The following CNTNAP2 variants were observed in gnomAD, a reference collection of about 807,000 sequenced individuals.
CNTNAP2 encodes contactin-associated protein-like 2.
CNTNAP2 carries 98 observed loss-of-function variants against 155.2 expected under a neutral mutation model. The ratio of observed to expected loss-of-function variants is 0.63; its 90% confidence interval spans 0.54 to 0.75. CNTNAP2 has a LOEUF of 0.75. Ranked by LOEUF, CNTNAP2 falls within the 30% of genes least tolerant of loss-of-function variation. CNTNAP2 has a pLI of 0.00. For missense variants in CNTNAP2, 1,727 were observed against 1,688.1 expected, an observed-to-expected ratio of 1.02 and a Z score of -0.40; for synonymous variants, 651 against 631.2, an observed-to-expected ratio of 1.03 and a Z score of -0.47.
intron 1 of CNTNAP2, among the ~76,000 whole-genome samples, chr7:146,498,302 G>A (rs760744152): frequency 4.6e-5 from 7 of 152,028 alleles, no homozygotes; most frequent in Non-Finnish European, 7.4e-5. Context: ...AGCCTCCTTG[G>A]CCATCTTCAA....
At chr7:146,447,984 G>T (rs1618656) in intron 1 of CNTNAP2, among the ~76,000 whole-genome samples, 5,412 of 151,980 alleles carry the variant, frequency 0.036, 340 homozygotes, top group African/African-American at 0.12. Context: ...TCCAAAATTG[G>T]ATGATAATAA....
intron 11 of CNTNAP2, among the ~76,000 whole-genome samples, chr7:147,506,238 A>C (rs1461217088): frequency 6.6e-6 from 1 of 152,016 alleles, no homozygotes; most frequent in South Asian, 2.1e-4. Flanking sequence ...AGTTTCTAAA[A>C]TTTTTTGTTT....
chr7:147,479,180 T>C (rs1409055214), intron 10 of CNTNAP2, among the ~76,000 whole-genome samples: 2 of 152,230 alleles, frequency 1.3e-5, no homozygotes, highest in African/African-American at 4.8e-5. Context: ...TCCTCCTCCT[T>C]CCAGGCTACT....
At chr7:147,366,403 T>A (rs1189717624) in intron 9 of CNTNAP2, among the ~76,000 whole-genome samples, 2 of 152,056 alleles carry the variant, frequency 1.3e-5, no homozygotes, top group African/African-American at 4.8e-5. Context: ...ATTTTTTTCA[T>A]AATTTTCATA....
At chr7:147,836,984 T>G (rs1357181908) in intron 13 of CNTNAP2, among the ~76,000 whole-genome samples, 3 of 151,212 alleles carry the variant, frequency 2.0e-5, no homozygotes, top group Non-Finnish European at 2.9e-5. Flanking sequence ...CATAAATAAG[T>G]AAGCATAGCT....
chr7:146,714,812 C>T (rs1264340892), intron 1 of CNTNAP2, among the ~76,000 whole-genome samples: 1 of 152,098 alleles, frequency 6.6e-6, no homozygotes, highest in Non-Finnish European at 1.5e-5. Context: ...AAATAAGTGA[C>T]AAGAGATAGT....
intron 13 of CNTNAP2, among the ~76,000 whole-genome samples, chr7:147,889,362 A>G (rs1799648761): frequency 6.6e-6 from 1 of 152,074 alleles, no homozygotes; most frequent in African/African-American, 2.4e-5. Context: ...AAAAAGAAAA[A>G]CTATGTGCTG....
At chr7:146,287,730 T>A (rs762841676) in intron 1 of CNTNAP2, among the ~76,000 whole-genome samples, 43 of 152,192 alleles carry the variant, frequency 2.8e-4, no homozygotes, top group Non-Finnish European at 4.4e-4. Flanking sequence ...ATGACAAGAT[T>A]CTCAAACTAA....
chr7:147,023,949 CTT>C (rs1798857826), intron 3 of CNTNAP2, among the ~76,000 whole-genome samples: 1 of 152,214 alleles, frequency 6.6e-6, no homozygotes, highest in Non-Finnish European at 1.5e-5. Flanking sequence ...ATACTCCTCT[CTT>C]TATTTCCCGA....
In CNTNAP2 at chr7:146,698,438, T is replaced by C. The variant is rs558971000; in HGVS notation, c.98-75833T>C. Among the ~76,000 whole-genome samples the C allele has an allele frequency of 2.0e-5, 3 of 152,266 alleles. No homozygotes were observed. The South Asian group carries it at 6.2e-4, about 32-fold the overall frequency. ...GATACAGAGTTCTAGGCTGTACTTT[T>C]ATTTGTTTTTATTTAAATATTTAAA... On this transcript the variant is annotated intron_variant, in intron 1 of 23. Transcript: ENST00000361727.
chr7:147,300,117 T>A, intron 8 of CNTNAP2, 24 bp from the exon 9 acceptor site: 1 of 1,612,038 alleles, frequency 6.2e-7, no homozygotes, highest in Non-Finnish European at 8.5e-7. Flanking sequence ...AAGATAAAAA[T>A]GACTTTTATC....
intron 10 of CNTNAP2, among the ~76,000 whole-genome samples, chr7:147,455,765 A>C (rs531088840): frequency 1.3e-5 from 2 of 152,246 alleles, no homozygotes; most frequent in Non-Finnish European, 1.5e-5. Context: ...TGCCAATCGA[A>C]AGTCTTCAAT....
chr7:147,128,695 A>G lies in CNTNAP2; in HGVS notation c.942A>G (p.Ile314Met), dbSNP rs1174371060. ...EFDYLDLDYEITFGGIPFSGK... is the reference protein window; with the variant it reads ...EFDYLDLDYEMTFGGIPFSGK... ...CATTTAATTTCTTTTTCTCAAAGAT[A>G]ACCTTTGGAGGCATCCCTTTCTCTG... is the stretch of plus-strand genomic sequence containing the variant. Residue 314 changes from isoleucine to methionine, a missense_variant and splice_region_variant, in exon 7 of 24, where the codon ATA becomes ATG. Coordinates refer to ENST00000361727, the MANE Select transcript of CNTNAP2 (RefSeq NM_014141.6). The G allele has an allele frequency of 1.2e-6, 2 of 1,613,854 alleles. No homozygotes were observed. Among genetic ancestry groups the G allele is most frequent in the East Asian group, 4.5e-5 (2 of 44,874 alleles).
Position 147,180,630 on chromosome 7 carries a change from G to A in CNTNAP2, c.1348+48121G>A, listed in dbSNP as rs143060533. ...ATAGAGCTTTACCTTAGTAAGAGCA[G>A]CCATTAAAAAAATGCATAGTAAATG... On this transcript the variant is annotated intron_variant, in intron 8 of 23. Transcript: ENST00000361727. Among the ~76,000 whole-genome samples, 430 of 152,120 alleles carry A rather than the reference G, an allele frequency of 2.8e-3. 3 individuals are homozygous for A. The highest frequency in any genetic ancestry group is 9.9e-3 in the African/African-American group (411 of 41,518).
intron 8 of CNTNAP2, among the ~76,000 whole-genome samples, chr7:147,271,247 TA>T (rs1804747088): frequency 6.6e-6 from 1 of 152,070 alleles, no homozygotes; most frequent in African/African-American, 2.4e-5. Flanking sequence ...GCAGCAGGAA[TA>T]AGTGTAGTTT....
At chr7:146,183,248 C>T (rs1320409339) in intron 1 of CNTNAP2, among the ~76,000 whole-genome samples, 1 of 152,074 alleles carries the variant, frequency 6.6e-6, no homozygotes, top group Non-Finnish European at 1.5e-5. Context: ...GGAGAAGAAA[C>T]CAGAACAATT....
At chr7:148,017,068 T>C (rs1220402761) in intron 15 of CNTNAP2, among the ~76,000 whole-genome samples, 1 of 152,232 alleles carries the variant, frequency 6.6e-6, no homozygotes, top group Non-Finnish European at 1.5e-5. Flanking sequence ...ACAAGATTTC[T>C]TGATAGATGG....
intron 9 of CNTNAP2, among the ~76,000 whole-genome samples, chr7:147,337,556 A>T (rs180865700): frequency 6.6e-6 from 1 of 152,204 alleles, no homozygotes; most frequent in Admixed American, 6.5e-5. Context: ...TATAAAAAAA[A>T]GTTTGAACAA....
intron 15 of CNTNAP2, among the ~76,000 whole-genome samples, chr7:148,040,732 A>C (rs543220777): frequency 1.4e-4 from 21 of 152,380 alleles, no homozygotes; most frequent in African/African-American, 4.8e-4. Flanking sequence ...CATGACTATC[A>C]GCACAAACAA....
Sources: gnomAD v4.1 joint callset for allele counts (sites outside exome capture counted in the v4.1 genomes callset) on GRCh38, gnomAD v4.1.1 for gene constraint, MANE v1.5 for transcripts, NCBI Gene and HGNC (gene_info 2026-07-23, HGNC 2026-07-21) for gene names.